The following RFFL variants were observed in gnomAD, a reference collection of about 807,000 sequenced individuals.
RFFL encodes E3 ubiquitin-protein ligase rififylin.
In RFFL, 16 loss-of-function variants were observed where a neutral mutation model predicts 40.4. That is an observed-to-expected ratio of 0.40 (90% CI 0.27 to 0.60). The LOEUF is 0.60. RFFL is among the 20% of genes least tolerant of loss of function. RFFL has a pLI of 0.47. For synonymous variants in RFFL, 154 were observed against 167.9 expected, an observed-to-expected ratio of 0.92 and a Z score of 0.64; for missense variants, 367 against 451.7, an observed-to-expected ratio of 0.81 and a Z score of 1.70.
At chr17:35,019,302 G>A (rs909868925) in intron 3 of RFFL, among the ~76,000 whole-genome samples, 1 of 152,170 alleles carries the variant, frequency 6.6e-6, no homozygotes, top group Middle Eastern at 3.2e-3. Context: ...ACCTTTAGGT[G>A]CAATCTGGAA....
chr17:35,054,751 C>A (rs1207530048), intron 1 of RFFL, among the ~76,000 whole-genome samples: 1 of 152,132 alleles, frequency 6.6e-6, no homozygotes, highest in African/African-American at 2.4e-5. Flanking sequence ...CTGGGTCAGA[C>A]AGAACTCATA....
chr17:35,031,894 G>A (rs564413120), intron 1 of RFFL, among the ~76,000 whole-genome samples: 23 of 152,068 alleles, frequency 1.5e-4, no homozygotes, highest in African/African-American at 5.1e-4. Context: ...AGGAGACCAA[G>A]ACCATCCTGG....
chr17:35,013,879 C>T (rs28725493), intron 6 of RFFL, among the ~76,000 whole-genome samples: 1,535 of 152,120 alleles, frequency 0.01, 24 homozygotes, highest in African/African-American at 0.035. Context: ...TCTAGAACTC[C>T]AAATGGTTTT....
chr17:35,032,774 G>C (rs2091094243), intron 1 of RFFL, among the ~76,000 whole-genome samples: 2 of 152,026 alleles, frequency 1.3e-5, no homozygotes, highest in South Asian at 4.1e-4. Flanking sequence ...AGGGCAAGCA[G>C]GGGAAAGCCC....
chr17:35,013,822 C>G (rs1281043957), intron 6 of RFFL, among the ~76,000 whole-genome samples: 3 of 152,132 alleles, frequency 2.0e-5, no homozygotes, highest in Non-Finnish European at 4.4e-5. Flanking sequence ...GTAGATCAGC[C>G]TGATCTTGGT....
At position 35,007,284 on chromosome 17, in the gene RFFL, T is replaced by G. The variant is rs1051009352; in HGVS notation, c.*4684A>C. On this transcript the variant is annotated 3_prime_UTR_variant, in exon 7 of 7. Transcript: ENST00000394597. ...TGCCTTAGTGTGTGTTATTGCCATT[T>G]CAATGTCAGTGGTTTTTTATGTATT... 5 of 152,286 alleles carry G rather than the reference T, an allele frequency of 3.3e-5. No individual in the cohort carries two copies. The highest frequency in any genetic ancestry group is 2.6e-4 in the Admixed American group (4 of 15,286). 9.4% of individuals were successfully genotyped at this position (152,286 alleles called of 1,614,324 possible).
At chr17:35,061,849 T>C (rs988460966) in intron 1 of RFFL, among the ~76,000 whole-genome samples, 3 of 151,790 alleles carry the variant, frequency 2.0e-5, no homozygotes, top group Non-Finnish European at 4.4e-5. Context: ...CCCAGCTAAT[T>C]TTTTGTTTTT....
In RFFL at chr17:35,058,159, G is replaced by A. The variant is rs370919613; in HGVS notation, c.-9+5417C>T. Among the ~76,000 whole-genome samples the A allele has an allele frequency of 1.4e-3, 215 of 152,104 alleles. 1 individual carries two copies. The highest frequency in any genetic ancestry group is 5.1e-3 in the African/African-American group (212 of 41,518). On this transcript the variant is annotated intron_variant, in intron 1 of 6. Coordinates refer to ENST00000394597, the MANE Select transcript of RFFL (RefSeq NM_001017368.2). ...AGGATTCAATCAAGTCCTAGAAGCAGGAGAGATGAGATCTATCTCAATGTA... is the reference window on the plus strand; with the variant it reads ...AGGATTCAATCAAGTCCTAGAAGCAAGAGAGATGAGATCTATCTCAATGTA...
chr17:35,065,124 A>T (rs975728912), upstream of RFFL, among the ~76,000 whole-genome samples: 25 of 152,002 alleles, frequency 1.6e-4, no homozygotes, highest in African/African-American at 6.0e-4. Context: ...ACCACACTTT[A>T]AAAAAAATTT....
chr17:35,084,995 T>C (rs1432371850), intron 1 of RFFL, among the ~76,000 whole-genome samples: 1 of 152,094 alleles, frequency 6.6e-6, no homozygotes, highest in Non-Finnish European at 1.5e-5. Flanking sequence ...CTCATAGTAG[T>C]AATAATAAAT....
At chr17:35,045,060 T>C (rs1311283046) in intron 1 of RFFL, among the ~76,000 whole-genome samples, 1 of 151,148 alleles carries the variant, frequency 6.6e-6, no homozygotes, top group African/African-American at 2.4e-5. Flanking sequence ...TACACTTCCT[T>C]ATAACCATAA....
intron 1 of RFFL, among the ~76,000 whole-genome samples, chr17:35,028,015 A>G (rs2091055091): frequency 6.6e-6 from 1 of 151,518 alleles, no homozygotes; most frequent in African/African-American, 2.4e-5. Flanking sequence ...CCTGGGTGAC[A>G]AGAGCAAAAC....
chr17:35,042,597 G>A (rs1447097804), intron 1 of RFFL, among the ~76,000 whole-genome samples: 4 of 151,952 alleles, frequency 2.6e-5, no homozygotes, highest in African/African-American at 9.7e-5. Context: ...CAAGGCAGGC[G>A]GATCACCTGA....
Position 35,026,405 on chromosome 17 carries a change from C to T in RFFL, c.149G>A (p.Cys50Tyr). 2.5e-6 allele frequency: 4 copies of T among 1,613,972 alleles called. No homozygotes were observed. The highest frequency in any genetic ancestry group is 1.1e-5 in the South Asian group (1 of 91,074). Reference protein sequence around the residue: ...PTGLEPSCKSCGAHFANTARK... With the variant: ...PTGLEPSCKSYGAHFANTARK... Reference sequence around the variant, plus strand: ...GGCCGTGTTTGCAAAGTGAGCCCCACAGGACTTGCAGCTTGGTTCCAAGCC... The same window carrying T: ...GGCCGTGTTTGCAAAGTGAGCCCCATAGGACTTGCAGCTTGGTTCCAAGCC... The change falls in exon 2 of 7, where the codon TGT (cysteine) becomes TAT (tyrosine). Residue 50 changes from cysteine (C) to tyrosine (Y), a missense_variant. Transcript: ENST00000394597.
chr17:35,049,446 T>C (rs1000966047), intron 1 of RFFL, among the ~76,000 whole-genome samples: 3 of 152,208 alleles, frequency 2.0e-5, no homozygotes, highest in Non-Finnish European at 4.4e-5. Flanking sequence ...ATGGTTATCC[T>C]ATAACCAATC....
At chr17:35,033,713 A>G (rs1435783210) in intron 1 of RFFL, among the ~76,000 whole-genome samples, 1 of 151,860 alleles carries the variant, frequency 6.6e-6, no homozygotes, top group African/African-American at 2.4e-5. Flanking sequence ...AGTACAAAAT[A>G]AACAGGAAAG....
chr17:35,050,420 G>T (rs2142356180), intron 1 of RFFL, among the ~76,000 whole-genome samples: 1 of 152,102 alleles, frequency 6.6e-6, no homozygotes, highest in East Asian at 1.9e-4. Context: ...GGACTGTAGT[G>T]ATGCACTCTT....
intron 1 of RFFL, among the ~76,000 whole-genome samples, chr17:35,055,619 C>G (rs2091255912): frequency 6.7e-6 from 1 of 148,444 alleles, no homozygotes; most frequent in Non-Finnish European, 1.5e-5. Context: ...TGCAGTGAGC[C>G]GAGATCATGC....
chr17:35,026,527 G>A lies in RFFL; in HGVS notation c.27C>T (p.Phe9=). ...CCTCCTCAGGCTGTCCATCCAGGCAGAACCAGTTGCAGCAGGTTGCCCACA... is the reference window on the plus strand; with the variant it reads ...CCTCCTCAGGCTGTCCATCCAGGCAAAACCAGTTGCAGCAGGTTGCCCACA... MWATCCNW[F]CLDGQPEEVP... The change falls in exon 2 of 7, where the codon TTC becomes TTT. Residue 9 remains phenylalanine (F), a synonymous_variant. Coordinates refer to ENST00000394597, the MANE Select transcript of RFFL (RefSeq NM_001017368.2). The A allele has an allele frequency of 6.2e-7, 1 of 1,612,410 alleles. No homozygotes were observed. Among genetic ancestry groups the A allele is most frequent in the Non-Finnish European group, 8.5e-7 (1 of 1,179,486 alleles).
Sources: gnomAD v4.1 joint callset for allele counts (sites outside exome capture counted in the v4.1 genomes callset) on GRCh38, gnomAD v4.1.1 for gene constraint, MANE v1.5 for transcripts, NCBI Gene and HGNC (gene_info 2026-07-23, HGNC 2026-07-21) for gene names.